The following SNRPE variants were observed in gnomAD, a reference collection of about 807,000 sequenced individuals.
SNRPE encodes the protein small nuclear ribonucleoprotein polypeptide E.
For missense variants in SNRPE, 53 were observed against 111.6 expected, an observed-to-expected ratio of 0.48 and a Z score of 2.36; for synonymous variants, 35 against 36.7, an observed-to-expected ratio of 0.95 and a Z score of 0.17.
rs950901600 is a variant in SNRPE at position 203,864,570 on chromosome 1, A to C, written c.145-471A>C. On this transcript the variant is annotated intron_variant, in intron 3 of 4. Transcript: ENST00000414487. Reference sequence around the variant, plus strand: ...CTGGGAACTATAGGCATACACCACCAGGTCCAGCTAATTTTTAAATATTTT... The same window carrying C: ...CTGGGAACTATAGGCATACACCACCCGGTCCAGCTAATTTTTAAATATTTT... Among the ~76,000 whole-genome samples, 4 of 152,182 alleles carry C rather than the reference A, an allele frequency of 2.6e-5. No individual in the cohort carries two copies. In the East Asian group the frequency reaches 7.7e-4, roughly 29 times the overall value.
chr1:203,869,197 T>G (rs1690157128), intron 4 of SNRPE, among the ~76,000 whole-genome samples: 1 of 151,910 alleles, frequency 6.6e-6, no homozygotes, highest in Non-Finnish European at 1.5e-5. Flanking sequence ...CCAGTGTTCC[T>G]GAAGATGTTT....
chr1:203,861,859 GT>G, intron 1 of SNRPE, 146 bp downstream of exon 1: 1 of 715,348 alleles, frequency 1.4e-6, no homozygotes, highest in Non-Finnish European at 2.6e-6. Flanking sequence ...GAAAGCGCGG[GT>G]AGTTGAACCG....
At chr1:203,866,494 C>T (rs887265494) in intron 4 of SNRPE, among the ~76,000 whole-genome samples, 5 of 152,174 alleles carry the variant, frequency 3.3e-5, no homozygotes, top group East Asian at 1.9e-4. Flanking sequence ...GGCCTATTCA[C>T]CATTTCTACT....
chr1:203,870,103 A>G lies in SNRPE; in HGVS notation c.*171A>G. Reference sequence around the variant, plus strand: ...TAAAAAATTTACATTGCTTCTTACTATTCAGCAGTAGAAACTTTTTACACA... The same window carrying G: ...TAAAAAATTTACATTGCTTCTTACTGTTCAGCAGTAGAAACTTTTTACACA... On this transcript the variant is annotated 3_prime_UTR_variant, in exon 5 of 5. Transcript: ENST00000414487. 2.0e-6 allele frequency: 1 copy of G among 507,330 alleles called. No individual in the cohort carries two copies. Among genetic ancestry groups the G allele is most frequent in the South Asian group, 2.9e-5 (1 of 34,440 alleles). 31.4% of individuals were successfully genotyped at this position (507,330 alleles called of 1,614,324 possible). A position where few individuals can be genotyped will look rare whatever the true frequency, so the allele number is the denominator to read the frequency against.
intron 4 of SNRPE, 101 bp from the exon 5 acceptor site, chr1:203,869,776 A>C: frequency 1.3e-6 from 1 of 750,866 alleles, no homozygotes; most frequent in South Asian, 1.8e-5. Flanking sequence ...TTTATAAGAA[A>C]GCATTTTCAA....
chr1:203,863,621 A>G (rs759815988), intron 2 of SNRPE, 42 bp from the exon 3 acceptor site: 13 of 1,512,756 alleles, frequency 8.6e-6, no homozygotes, highest in Middle Eastern at 3.5e-4. Context: ...GCCCGGCCCT[A>G]TTTTTCTTTT....
rs553386260 is a variant in SNRPE, at chr1:203,869,983, G to C, written c.*51G>C. ...TTGAGAAGGATACAGTTTGTTTTTA[G>C]ATGTCCTTTGTCCAATGTGAACATT... On this transcript the variant is annotated 3_prime_UTR_variant, in exon 5 of 5. Transcript: ENST00000414487. 1.0e-5 allele frequency: 12 copies of C among 1,182,476 alleles called. No individual in the cohort carries two copies. In the South Asian group the frequency reaches 1.4e-4, roughly 14 times the overall value. The allele number at this position is 1,182,476 out of a possible 1,614,324, so 73.2% of individuals were successfully genotyped here.
At chr1:203,864,158 T>C (rs1690038327) in intron 3 of SNRPE, among the ~76,000 whole-genome samples, 1 of 152,112 alleles carries the variant, frequency 6.6e-6, no homozygotes, top group African/African-American at 2.4e-5. Context: ...CTCACTGTGT[T>C]GCCCAGGCTG....
At chr1:203,869,289 C>CTTTTTTTTTTTTTTTT (rs564988259) in intron 4 of SNRPE, among the ~76,000 whole-genome samples, 6 of 66,812 alleles carry the variant, frequency 9.0e-5, no homozygotes, top group Admixed American at 2.3e-4. Context: ...AGGATGGAGT[C>CTTTTTTTTTTTTTTTT]TTTTTTTTTT....
chr1:203,868,606 C>T lies in SNRPE; in HGVS notation c.224-1271C>T, dbSNP rs144584303. Among the ~76,000 whole-genome samples, 1,183 of 152,254 alleles carry T rather than the reference C, an allele frequency of 7.8e-3. 8 individuals are homozygous for T. Among genetic ancestry groups the T allele is most frequent in the Non-Finnish European group, 0.011 (754 of 68,016 alleles). ...GATTCTGAGAAGCAGTATGGTGTTT[C>T]GCTGGCTGCTTCCTGCTTAGACTAT... On this transcript the variant is annotated intron_variant, in intron 4 of 4. Coordinates refer to ENST00000414487, the MANE Select transcript of SNRPE (RefSeq NM_003094.4).
intron 4 of SNRPE, among the ~76,000 whole-genome samples, chr1:203,867,366 G>A (rs1236284468): frequency 1.3e-5 from 2 of 152,110 alleles, no homozygotes; most frequent in South Asian, 2.1e-4. Context: ...GGACTGGGGT[G>A]TGGGGGATGG....
intron 3 of SNRPE, among the ~76,000 whole-genome samples, chr1:203,864,558 G>T (rs994704715): frequency 5.3e-5 from 8 of 152,004 alleles, no homozygotes; most frequent in Non-Finnish European, 5.9e-5. Context: ...GGAACTATAG[G>T]CATACACCAC....
At position 203,861,796 on chromosome 1, in the gene SNRPE, T is replaced by C. The variant is rs1381691096; in HGVS notation, c.54+83T>C. ...GCGCAGGCTGAGGGCAGGCCTGGGA[T>C]AGTGGAGTACGGATCCACATCCCAT... On this transcript the variant is annotated intron_variant, in intron 1 of 4. Transcript: ENST00000414487. The C allele has an allele frequency of 3.9e-6, 4 of 1,034,070 alleles. No homozygotes were observed. In the Admixed American group the frequency reaches 5.1e-5, roughly 13 times the overall value. 64.1% of individuals were successfully genotyped at this position (1,034,070 alleles called of 1,614,324 possible). A position where few individuals can be genotyped will look rare whatever the true frequency, so the allele number is the denominator to read the frequency against.
At chr1:203,869,761 A>G (rs988615220) in intron 4 of SNRPE, 116 bp from the exon 5 acceptor site, 1 of 685,506 alleles carries the variant, frequency 1.5e-6, no homozygotes, top group Non-Finnish European at 2.5e-6. Flanking sequence ...AAATGTTCAC[A>G]TATTTTTATA....
chr1:203,864,465 T>C (rs1230770475), intron 3 of SNRPE, among the ~76,000 whole-genome samples: 1 of 151,410 alleles, frequency 6.6e-6, no homozygotes, highest in East Asian at 1.9e-4. Flanking sequence ...GGGGTCCGGC[T>C]CTGTCACCCA....
chr1:203,867,956 G>A (rs998233611), intron 4 of SNRPE, among the ~76,000 whole-genome samples: 7 of 152,114 alleles, frequency 4.6e-5, no homozygotes, highest in Admixed American at 6.5e-5. Context: ...ATGCTTCACC[G>A]TAAGTGTATG....
At chr1:203,864,026 C>G (rs1326706826) in intron 3 of SNRPE, among the ~76,000 whole-genome samples, 1 of 152,152 alleles carries the variant, frequency 6.6e-6, no homozygotes, top group Non-Finnish European at 1.5e-5. Flanking sequence ...ACAATCATGG[C>G]TCGTTGCAGC....
intron 4 of SNRPE, among the ~76,000 whole-genome samples, chr1:203,865,689 A>G (rs557859380): frequency 6.6e-6 from 1 of 152,286 alleles, no homozygotes; most frequent in South Asian, 2.1e-4. Flanking sequence ...CATGCCCCTC[A>G]GTCCTCCACC....
intron 2 of SNRPE, among the ~76,000 whole-genome samples, chr1:203,863,342 A>G (rs1315771271): frequency 6.6e-6 from 1 of 151,922 alleles, no homozygotes; most frequent in African/African-American, 2.4e-5. Context: ...TTTTTTTGAG[A>G]CGGAGTCTCA....
Sources: allele counts gnomAD v4.1 joint callset (sites outside exome capture counted in the v4.1 genomes callset), GRCh38; gene constraint gnomAD v4.1.1; transcripts MANE v1.5; gene names NCBI Gene and HGNC (gene_info 2026-07-23, HGNC 2026-07-21).